The following GALNTL6 variants were observed in gnomAD, a reference collection of about 807,000 sequenced individuals.
GALNTL6 encodes polypeptide N-acetylgalactosaminyltransferase like 6.
GALNTL6 carries 46 observed loss-of-function variants against 73.7 expected under a neutral mutation model. The ratio of observed to expected loss-of-function variants is 0.62; its 90% CI spans 0.49 to 0.80. GALNTL6 has a LOEUF of 0.80. Ranked by LOEUF, GALNTL6 falls within the 30% of genes least tolerant of loss-of-function variation. The pLI, the probability that GALNTL6 is intolerant of heterozygous loss-of-function variation, is 0.00. For missense variants in GALNTL6, 604 were observed against 755.0 expected, an observed-to-expected ratio of 0.80 and a Z score of 2.34; for synonymous variants, 259 against 263.7, an observed-to-expected ratio of 0.98 and a Z score of 0.17.
chr4:172,642,313 T>TGGATTCCACTTAG (rs1161429549), intron 5 of GALNTL6, among the ~76,000 whole-genome samples: 1 of 152,032 alleles, frequency 6.6e-6, no homozygotes, highest in Admixed American at 6.6e-5. Flanking sequence ...ATAACTAAGG[T>TGGATTCCACTTAG]GTGGAATCAA....
intron 2 of GALNTL6, among the ~76,000 whole-genome samples, chr4:172,174,204 C>T (rs1200588612): frequency 2.0e-5 from 3 of 151,910 alleles, no homozygotes; most frequent in Non-Finnish European, 4.4e-5. Flanking sequence ...GAAAAGTGGA[C>T]GGATCAGAGA....
At chr4:171,824,077 T>TTATATATATA (rs3080307) in intron 2 of GALNTL6, among the ~76,000 whole-genome samples, 3,364 of 128,778 alleles carry the variant, frequency 0.026, 59 homozygotes, top group South Asian at 0.058. Context: ...CAAATCCATT[T>TTATATATATA]TATATATATA....
At chr4:172,019,018 T>G (rs1187751556) in intron 2 of GALNTL6, among the ~76,000 whole-genome samples, 1 of 152,118 alleles carries the variant, frequency 6.6e-6, no homozygotes, top group Non-Finnish European at 1.5e-5. Flanking sequence ...ATTTTCAGAT[T>G]CCCCAGTGGG....
intron 2 of GALNTL6, among the ~76,000 whole-genome samples, chr4:171,837,281 A>G (rs374543417): frequency 6.6e-6 from 1 of 152,090 alleles, no homozygotes; most frequent in South Asian, 2.1e-4. Flanking sequence ...AATCAGGAAA[A>G]ATCTAGGACG....
At chr4:173,005,293 T>C (rs1043650150) in intron 10 of GALNTL6, among the ~76,000 whole-genome samples, 11 of 152,184 alleles carry the variant, frequency 7.2e-5, no homozygotes, top group African/African-American at 2.7e-4. Flanking sequence ...CATTTTCTAA[T>C]CCTGTTAAGT....
intron 5 of GALNTL6, among the ~76,000 whole-genome samples, chr4:172,609,687 G>A (rs895128828): frequency 7.4e-6 from 1 of 134,478 alleles, no homozygotes; most frequent in Non-Finnish European, 1.6e-5. Context: ...TTGGTATCAG[G>A]ATATGATGCT....
intron 2 of GALNTL6, among the ~76,000 whole-genome samples, chr4:171,993,223 A>G (rs1016614063): frequency 2.6e-5 from 4 of 152,022 alleles, no homozygotes; most frequent in African/African-American, 4.8e-5. Context: ...AAAATAGTTC[A>G]TATGTTGTCA....
rs768624165 is a variant in GALNTL6, at chr4:172,097,777, C to T, written c.139-131879C>T. Among the ~76,000 whole-genome samples, 4 of 152,154 alleles carry T rather than the reference C, an allele frequency of 2.6e-5. 1 individual carries two copies. The highest frequency in any genetic ancestry group is 2.0e-4 in the Admixed American group (3 of 15,272). On this transcript the variant is annotated intron_variant, in intron 2 of 12. Transcript: ENST00000506823. Reference sequence around the variant, plus strand: ...ATTAAGCTACTGTTAACTTGGTTTGCTCTATAACTGGTCAAATGCATTTTT... The same window carrying T: ...ATTAAGCTACTGTTAACTTGGTTTGTTCTATAACTGGTCAAATGCATTTTT...
Position 173,040,225 on chromosome 4 carries a change from A to G in GALNTL6, c.*125A>G, listed in dbSNP as rs1452813914. The G allele has an allele frequency of 3.1e-6, 2 of 650,250 alleles. No homozygotes were observed. Among genetic ancestry groups the G allele is most frequent in the Non-Finnish European group, 5.0e-6 (2 of 398,928 alleles). 40.3% of individuals were successfully genotyped at this position (650,250 alleles called of 1,614,324 possible). On this transcript the variant is annotated 3_prime_UTR_variant, in exon 13 of 13. Transcript: ENST00000506823. Reference sequence around the variant, plus strand: ...GGAAGGCTGGTTTAAAAATTTGCAAATGCCATGTCAAAGTAGGTTGTTTTG... The same window carrying G: ...GGAAGGCTGGTTTAAAAATTTGCAAGTGCCATGTCAAAGTAGGTTGTTTTG...
intron 2 of GALNTL6, among the ~76,000 whole-genome samples, chr4:172,212,825 G>A (rs1317494372): frequency 4.6e-5 from 7 of 152,026 alleles, no homozygotes; most frequent in Middle Eastern, 6.8e-3. Context: ...GCACCACCAC[G>A]CCCGGCTAAT....
chr4:172,533,004 T>G (rs1038327121), intron 5 of GALNTL6, among the ~76,000 whole-genome samples: 7 of 143,488 alleles, frequency 4.9e-5, no homozygotes, highest in African/African-American at 1.8e-4. Context: ...AAACATTACA[T>G]TTTTGTAGAA....
In GALNTL6 at chr4:171,999,280, C is replaced by A. The variant is rs375192671; in HGVS notation, c.138+184562C>A. Among the ~76,000 whole-genome samples the A allele has an allele frequency of 3.9e-5, 6 of 152,224 alleles. No individual in the cohort carries two copies. The South Asian group carries it at 1.2e-3, about 32-fold the overall frequency. ...AGGGCTAACACCATAATGACCTCTA[C>A]AATTGCCTATGAAAAAGAAATGTAA... On this transcript the variant is annotated intron_variant, in intron 2 of 12. Transcript: ENST00000506823.
Position 172,715,184 on chromosome 4 carries a change from C to T in GALNTL6, c.554-94177C>T, listed in dbSNP as rs113224167. Among the ~76,000 whole-genome samples the T allele has an allele frequency of 2.1e-3, 325 of 152,180 alleles. 1 individual carries two copies. The highest frequency in any genetic ancestry group is 7.6e-3 in the African/African-American group (316 of 41,516). Reference sequence around the variant, plus strand: ...GATTTAGACTGTCTCTTTTATTAGGCAGAATTCGGAAAAACTCTTATGGAC... The same window carrying T: ...GATTTAGACTGTCTCTTTTATTAGGTAGAATTCGGAAAAACTCTTATGGAC... On this transcript the variant is annotated intron_variant, in intron 5 of 12. Transcript: ENST00000506823.
At chr4:172,884,487 G>A (rs578061103) in intron 8 of GALNTL6, among the ~76,000 whole-genome samples, 3 of 152,164 alleles carry the variant, frequency 2.0e-5, no homozygotes, top group Non-Finnish European at 4.4e-5. Context: ...TTTTACTGTT[G>A]AGTTGTTTGA....
chr4:172,337,317 C>T (rs564425718), intron 4 of GALNTL6, among the ~76,000 whole-genome samples: 7 of 151,946 alleles, frequency 4.6e-5, no homozygotes, highest in African/African-American at 1.7e-4. Flanking sequence ...GGTTTTAATT[C>T]TATTGTGAAG....
chr4:172,313,556 A>G (rs1375515374), intron 4 of GALNTL6, among the ~76,000 whole-genome samples: 2 of 152,220 alleles, frequency 1.3e-5, no homozygotes, highest in Non-Finnish European at 2.9e-5. Context: ...AACTATTTTT[A>G]GTGTGAACAC....
At chr4:171,991,911 A>G (rs533575884) in intron 2 of GALNTL6, among the ~76,000 whole-genome samples, 1 of 151,918 alleles carries the variant, frequency 6.6e-6, no homozygotes, top group East Asian at 1.9e-4. Context: ...TGTAATTGTC[A>G]AATAAAAAAA....
chr4:171,977,261 G>C (rs1739750167), intron 2 of GALNTL6, among the ~76,000 whole-genome samples: 1 of 152,148 alleles, frequency 6.6e-6, no homozygotes, highest in African/African-American at 2.4e-5. Context: ...AACAGTTAAT[G>C]ATGTCACCAA....
chr4:172,676,619 T>C (rs1255118138), intron 5 of GALNTL6, among the ~76,000 whole-genome samples: 1 of 152,200 alleles, frequency 6.6e-6, no homozygotes, highest in Non-Finnish European at 1.5e-5. Flanking sequence ...AAGTAGGGGT[T>C]AGACATATAT....
Sources: gnomAD v4.1 joint callset for allele counts (sites outside exome capture counted in the v4.1 genomes callset) on GRCh38, gnomAD v4.1.1 for gene constraint, MANE v1.5 for transcripts, NCBI Gene and HGNC (gene_info 2026-07-23, HGNC 2026-07-21) for gene names.